PKP2: variants seen among roughly 807,000 people sequenced by gnomAD.
PKP2 encodes plakophilin-2.
In PKP2, 73 loss-of-function variants were observed where a neutral mutation model predicts 83.4. That is an observed-to-expected ratio of 0.88 (90% CI 0.72 to 1.06). The LOEUF (loss-of-function observed/expected upper bound fraction) is 1.06. Among genes scored for constraint, PKP2 ranks in the 50% least tolerant of loss-of-function variants. The pLI is 0.00. For synonymous variants in PKP2, 409 were observed against 430.4 expected (o/e 0.95, Z 0.62); for missense variants, 966 against 1,065.4 (o/e 0.91, Z 1.30).
chr12:32,863,455 A>G, intron 4 of PKP2: 1 of 204,418 alleles, frequency 4.9e-6, no homozygotes, highest in Non-Finnish European at 1.0e-5. Context: ...AACAATAATA[A>G]ATAAAAGTGG....
Position 32,868,962 on chromosome 12 carries a change from G to C in PKP2, c.1135C>G (p.His379Asp). The change falls in exon 4 of 13, where the codon CAC becomes GAC. Residue 379 changes from histidine (H) to aspartate (D), a missense_variant. Transcript: ENST00000340811. ...GCTTCAGATTTCTGGAAGCACTCGT[G>C]CTGTATGAAAGTAGCTGCAGCAGAA... Reference protein sequence around the residue: ...RISAAATFIQHECFQKSEARK... With the variant: ...RISAAATFIQDECFQKSEARK... The C allele has an allele frequency of 6.2e-7, 1 of 1,613,756 alleles. No individual in the cohort carries two copies. The highest frequency in any genetic ancestry group is 1.3e-5 in the African/African-American group (1 of 75,046).
intron 3 of PKP2, among the ~76,000 whole-genome samples, chr12:32,877,339 T>A (rs1236416168): frequency 1.3e-5 from 2 of 152,110 alleles, no homozygotes; most frequent in African/African-American, 4.8e-5. Flanking sequence ...CCCCTTCAAA[T>A]CACTGACACT....
At chr12:32,884,187 C>T (rs748213179) in intron 1 of PKP2, among the ~76,000 whole-genome samples, 9 of 152,216 alleles carry the variant, frequency 5.9e-5, no homozygotes, top group Non-Finnish European at 1.2e-4. Flanking sequence ...GGCAAGGTGG[C>T]TTACGCCTGT....
chr12:32,813,162 AC>A (rs1232156358), intron 9 of PKP2, among the ~76,000 whole-genome samples: 1 of 152,182 alleles, frequency 6.6e-6, no homozygotes, highest in African/African-American at 2.4e-5. Flanking sequence ...CAAACATAAA[AC>A]AAAAATGTAA....
At chr12:32,890,850 C>A (rs928215100) in intron 1 of PKP2, among the ~76,000 whole-genome samples, 1 of 151,420 alleles carries the variant, frequency 6.6e-6, no homozygotes, top group Admixed American at 6.6e-5. Flanking sequence ...ATCCCAGCTA[C>A]TCGGGAGGCT....
intron 10 of PKP2, among the ~76,000 whole-genome samples, chr12:32,798,597 A>T (rs1326330527): frequency 6.6e-6 from 1 of 152,192 alleles, no homozygotes; most frequent in African/African-American, 2.4e-5. Context: ...ACCCAGAAAT[A>T]AAGCAAAATA....
At chr12:32,796,934 A>T (rs1272778670) in intron 10 of PKP2, among the ~76,000 whole-genome samples, 1 of 152,180 alleles carries the variant, frequency 6.6e-6, no homozygotes, top group Non-Finnish European at 1.5e-5. Flanking sequence ...TGAAAATGAA[A>T]AAAGCTTTCT....
chr12:32,848,853 T>C, intron 5 of PKP2, among the ~76,000 whole-genome samples: 1 of 152,112 alleles, frequency 6.6e-6, no homozygotes, highest in Non-Finnish European at 1.5e-5. Flanking sequence ...AGAGATAACA[T>C]AATGACAAAA....
intron 1 of PKP2, among the ~76,000 whole-genome samples, chr12:32,879,745 G>A (rs1956968377): frequency 6.7e-6 from 1 of 150,372 alleles, no homozygotes; most frequent in Admixed American, 6.7e-5. Flanking sequence ...CAGGAGAATC[G>A]CTTGAACCCA....
intron 4 of PKP2, among the ~76,000 whole-genome samples, chr12:32,860,913 A>G (rs1206909907): frequency 6.6e-6 from 1 of 152,118 alleles, no homozygotes; most frequent in African/African-American, 2.4e-5. Flanking sequence ...CTGTAATCCC[A>G]GCTACTTGGG....
intron 5 of PKP2, among the ~76,000 whole-genome samples, chr12:32,850,108 A>G (rs1381876482): frequency 6.6e-6 from 1 of 152,258 alleles, no homozygotes; most frequent in Non-Finnish European, 1.5e-5. Flanking sequence ...TTCTTAAACT[A>G]CAAAGTGGGC....
At position 32,878,957 on chromosome 12, in the gene PKP2, C is replaced by T. The variant is rs745661586; in HGVS notation, c.299G>A (p.Gly100Asp). The T allele has an allele frequency of 1.2e-6, 2 of 1,604,078 alleles. No homozygotes were observed. Among genetic ancestry groups the T allele is most frequent in the African/African-American group, 2.7e-5 (2 of 74,668 alleles). ...LHLVENDFVG[G>D]RSPVPKTYDM... ...ATAGGTTTTAGGAACAGGGGAACGGCCTCCAACAAAATCATTTTCAACCAA... is the reference window on the plus strand; with the variant it reads ...ATAGGTTTTAGGAACAGGGGAACGGTCTCCAACAAAATCATTTTCAACCAA... Residue 100 changes from glycine (G) to aspartate (D), a missense_variant, in exon 2 of 13, where the codon GGC becomes GAC. Physicochemically the swap from Gly to Asp is moderately conservative, Grantham distance 94. Coordinates refer to ENST00000340811, the MANE Select transcript of PKP2 (RefSeq NM_001005242.3).
intron 9 of PKP2, among the ~76,000 whole-genome samples, chr12:32,815,379 A>G (rs1172292519): frequency 6.6e-6 from 1 of 152,102 alleles, no homozygotes; most frequent in Non-Finnish European, 1.5e-5. Context: ...CAACTCTCCT[A>G]AACTGCCTAT....
At chr12:32,796,042 G>C in intron 11 of PKP2, 67 bp downstream of exon 11, 3 of 1,378,194 alleles carry the variant, frequency 2.2e-6, no homozygotes, top group South Asian at 1.2e-5. Context: ...ATTCACAACC[G>C]GATTATTTAC....
At chr12:32,802,629 AC>A in intron 9 of PKP2, 73 bp from the exon 10 acceptor site, 1 of 1,254,760 alleles carries the variant, frequency 8.0e-7, no homozygotes, top group Non-Finnish European at 1.2e-6. Flanking sequence ...TCTGTAGATT[AC>A]CAGAGGTTGA....
At position 32,841,191 on chromosome 12, in the gene PKP2, A is replaced by G; in HGVS notation, c.1393T>C (p.Leu465=). 1 of 1,613,414 alleles carries G rather than the reference A, an allele frequency of 6.2e-7. No individual in the cohort carries two copies. Among genetic ancestry groups the G allele is most frequent in the Non-Finnish European group, 8.5e-7 (1 of 1,179,516 alleles). Residue 465 remains leucine, a synonymous_variant, in exon 6 of 13, where the codon TTG becomes CTG. Coordinates refer to ENST00000340811, the MANE Select transcript of PKP2 (RefSeq NM_001005242.3). The stretch of plus-strand genomic sequence containing the variant: ...TTCTTGAGTTTGTCATTAGATGACA[A>G]ATTCCACAGCAAACCTAGAAAAGCA... ...KKQITGLLWN[L]SSNDKLKNLM...
chr12:32,814,360 C>T (rs1488091589), intron 9 of PKP2, among the ~76,000 whole-genome samples: 1 of 152,134 alleles, frequency 6.6e-6, no homozygotes, highest in African/African-American at 2.4e-5. Context: ...CTCTTCCATA[C>T]ATCAGCCACT....
chr12:32,858,925 T>C (rs953807391), intron 4 of PKP2, among the ~76,000 whole-genome samples: 9 of 152,196 alleles, frequency 5.9e-5, no homozygotes, highest in African/African-American at 2.2e-4. Context: ...TGATCCTTAC[T>C]TGACTGACCT....
intron 1 of PKP2, among the ~76,000 whole-genome samples, chr12:32,892,342 C>G (rs1290414344): frequency 7.0e-6 from 1 of 141,930 alleles, no homozygotes; most frequent in Non-Finnish European, 1.5e-5. Flanking sequence ...GAGATGGAGT[C>G]TCACTCCATC....
Sources: allele counts gnomAD v4.1 joint callset (sites outside exome capture counted in the v4.1 genomes callset), GRCh38; gene constraint gnomAD v4.1.1; transcripts MANE v1.5; gene names NCBI Gene and HGNC (gene_info 2026-07-23, HGNC 2026-07-21).